Variants in PTPN2 observed in about 807,000 individuals in gnomAD.
PTPN2 encodes the protein protein tyrosine phosphatase non-receptor type 2.
Under a neutral mutation model 57.3 loss-of-function variants are expected in PTPN2, and 19 were observed. The observed-to-expected ratio is 0.33, with a 90% confidence interval of 0.23 to 0.49. PTPN2 has a LOEUF of 0.49. Among genes scored for constraint, PTPN2 ranks in the 20% least tolerant of loss-of-function variants. PTPN2 has a pLI of 0.99. For missense variants in PTPN2, 358 were observed against 501.1 expected, an observed-to-expected ratio of 0.71 and a Z score of 2.73; for synonymous variants, 153 against 164.9, an observed-to-expected ratio of 0.93 and a Z score of 0.55.
At chr18:12,803,874 T>C (rs2041521776) in intron 7 of PTPN2, among the ~76,000 whole-genome samples, 1 of 152,158 alleles carries the variant, frequency 6.6e-6, no homozygotes, top group Non-Finnish European at 1.5e-5. Context: ...CTAGGCCAAA[T>C]GGACCTAACA....
At position 12,809,838 on chromosome 18, in the gene PTPN2, A is replaced by G. The variant is rs377047116; in HGVS notation, c.858+4365T>C. ...TGGGAAATCCATTCATACAATGGAT[A>G]AACTAGTTTCTAATTTGTCTCATTG... On this transcript the variant is annotated intron_variant, in intron 7 of 8. Coordinates refer to ENST00000309660, the MANE Select transcript of PTPN2 (RefSeq NM_002828.4). Among the ~76,000 whole-genome samples, 3 of 152,358 alleles carry G rather than the reference A, an allele frequency of 2.0e-5. No homozygotes were observed. In the East Asian group the frequency reaches 5.8e-4, roughly 29 times the overall value.
chr18:12,824,426 C>T (rs575094402), intron 5 of PTPN2, among the ~76,000 whole-genome samples: 2 of 152,266 alleles, frequency 1.3e-5, no homozygotes, highest in Admixed American at 1.3e-4. Flanking sequence ...TGCCACACAT[C>T]TAAAAAGCAT....
intron 1 of PTPN2, among the ~76,000 whole-genome samples, chr18:12,867,375 G>A (rs2044030960): frequency 6.6e-6 from 1 of 151,456 alleles, no homozygotes; most frequent in African/African-American, 2.4e-5. Context: ...TGTATTAAGG[G>A]CATATTTTGC....
At chr18:12,865,813 CA>C (rs1224651194) in intron 1 of PTPN2, among the ~76,000 whole-genome samples, 8 of 143,858 alleles carry the variant, frequency 5.6e-5, no homozygotes, top group African/African-American at 5.1e-5. Flanking sequence ...ACCCCACTCC[CA>C]AAAAAAAAAC....
intron 3 of PTPN2, among the ~76,000 whole-genome samples, chr18:12,836,296 C>G (rs1380385695): frequency 3.3e-5 from 5 of 152,240 alleles, no homozygotes; most frequent in African/African-American, 1.2e-4. Flanking sequence ...ACAGGGAGCA[C>G]AAGGCCTTGT....
At chr18:12,867,421 G>A (rs2044031829) in intron 1 of PTPN2, among the ~76,000 whole-genome samples, 1 of 151,956 alleles carries the variant, frequency 6.6e-6, no homozygotes. Context: ...GTGAGGTTTT[G>A]CCTCACACTC....
intron 1 of PTPN2, among the ~76,000 whole-genome samples, chr18:12,865,164 A>G (rs2043947430): frequency 6.6e-6 from 1 of 152,190 alleles, no homozygotes; most frequent in African/African-American, 2.4e-5. Flanking sequence ...AAAGAAACTG[A>G]GGCCAGGCGC....
intron 1 of PTPN2, among the ~76,000 whole-genome samples, chr18:12,883,223 T>A (rs566102677): frequency 1.3e-5 from 2 of 152,348 alleles, no homozygotes; most frequent in South Asian, 4.1e-4. Context: ...GGAGCACACA[T>A]GAAAGCTGCG....
chr18:12,878,343 A>G (rs2044561165), intron 1 of PTPN2, among the ~76,000 whole-genome samples: 1 of 150,004 alleles, frequency 6.7e-6, no homozygotes, highest in Non-Finnish European at 1.5e-5. Context: ...AAAAGAAAAA[A>G]AAAGAAAGAA....
At chr18:12,830,100 A>ATT (rs148424474) in intron 4 of PTPN2, among the ~76,000 whole-genome samples, 103 of 147,636 alleles carry the variant, frequency 7.0e-4, no homozygotes, top group Admixed American at 1.1e-3. Flanking sequence ...ATAATCCTTG[A>ATT]TTTTTTTTTT....
chr18:12,877,491 C>T (rs543557967), intron 1 of PTPN2, among the ~76,000 whole-genome samples: 26 of 152,286 alleles, frequency 1.7e-4, no homozygotes, highest in Admixed American at 5.2e-4. Context: ...AGAGTTTGTG[C>T]AACCATGTAA....
At chr18:12,837,983 G>C (rs2042923622) in intron 2 of PTPN2, among the ~76,000 whole-genome samples, 1 of 152,014 alleles carries the variant, frequency 6.6e-6, no homozygotes. Context: ...ATGTCAACAA[G>C]CACTTTTTTT....
At chr18:12,791,514 G>A (rs1376116896), downstream of PTPN2, among the ~76,000 whole-genome samples, 4 of 152,082 alleles carry the variant, frequency 2.6e-5, no homozygotes, top group Non-Finnish European at 4.4e-5. Flanking sequence ...AGGCAGCCAC[G>A]TCTGTCTCTT....
At chr18:12,852,191 A>AACACACACACACACACACACAC (rs139964591) in intron 2 of PTPN2, among the ~76,000 whole-genome samples, 132 of 140,504 alleles carry the variant, frequency 9.4e-4, no homozygotes, top group Admixed American at 3.8e-3. Flanking sequence ...ATGGGTTTTT[A>AACACACACACACACACACACAC]ACACACACAC....
chr18:12,827,670 C>A (rs756717184), intron 4 of PTPN2, among the ~76,000 whole-genome samples: 8 of 150,994 alleles, frequency 5.3e-5, no homozygotes, highest in Non-Finnish European at 1.0e-4. Context: ...TAGGTGTAAG[C>A]CCTCCAACCT....
rs1307315841 is a variant in PTPN2 at position 12,793,383 on chromosome 18, T to A, written c.*895A>T. On this transcript the variant is annotated 3_prime_UTR_variant, in exon 9 of 9. Coordinates refer to ENST00000309660, the MANE Select transcript of PTPN2 (RefSeq NM_002828.4). ...CTTACTTTTGCTTCCTAAATCATAA[T>A]CTACCCCAACTACATTGAAATTTTC... 27 of 978,648 alleles carry A rather than the reference T, an allele frequency of 2.8e-5. No homozygotes were observed. Among genetic ancestry groups the A allele is most frequent in the Non-Finnish European group, 3.3e-5 (27 of 823,380 alleles). The allele number at this position is 978,648 out of a possible 1,614,324, so 60.6% of individuals were successfully genotyped here. A position where few individuals can be genotyped will look rare whatever the true frequency, so the allele number is the denominator to read the frequency against.
intron 2 of PTPN2, among the ~76,000 whole-genome samples, chr18:12,847,344 CCAGTG>C (rs2043244815): frequency 2.0e-5 from 3 of 152,218 alleles, no homozygotes; most frequent in Non-Finnish European, 4.4e-5. Flanking sequence ...CTGATATTCA[CCAGTG>C]CTATTATTCG....
At chr18:12,838,672 G>T (rs934037085) in intron 2 of PTPN2, among the ~76,000 whole-genome samples, 2 of 152,070 alleles carry the variant, frequency 1.3e-5, no homozygotes, top group Non-Finnish European at 2.9e-5. Context: ...GCAAAGGAAC[G>T]GTGAATTTTC....
At chr18:12,836,576 A>G (rs1170171396) in intron 3 of PTPN2, among the ~76,000 whole-genome samples, 1 of 152,256 alleles carries the variant, frequency 6.6e-6, no homozygotes, top group Non-Finnish European at 1.5e-5. Flanking sequence ...ATTTTCCTTC[A>G]CAGAACGTGT....
Sources: allele counts gnomAD v4.1 joint callset (sites outside exome capture counted in the v4.1 genomes callset), GRCh38; gene constraint gnomAD v4.1.1; transcripts MANE v1.5; gene names NCBI Gene and HGNC (gene_info 2026-07-23, HGNC 2026-07-21).